Variants in SLC6A7 observed in about 807,000 individuals in gnomAD.
The protein encoded by SLC6A7 is solute carrier family 6 member 7.
SLC6A7 carries 58 observed loss-of-function variants against 73.1 expected under a neutral mutation model. That is an observed-to-expected ratio of 0.79 (90% confidence interval 0.64 to 0.99). The LOEUF (loss-of-function observed/expected upper bound fraction) is 0.99. SLC6A7 is among the 50% of genes least tolerant of loss of function. The pLI is 0.00. For synonymous variants in SLC6A7, 338 were observed against 338.7 expected, an observed-to-expected ratio of 1.00 and a Z score of 0.02; for missense variants, 783 against 831.4, an observed-to-expected ratio of 0.94 and a Z score of 0.72.
rs867319667 is a variant in SLC6A7 at position 150,204,604 on chromosome 5, A to T, written c.1405A>T (p.Thr469Ser). ...CGGGCTGATGGTGGTGGTTATCACCACGTGCCTTGCCGTGACACGGGTGTA... is the reference window on the plus strand; with the variant it reads ...CGGGCTGATGGTGGTGGTTATCACCTCGTGCCTTGCCGTGACACGGGTGTA... ...SFGLMVVVITTCLAVTRVYGI... is the reference protein window; with the variant it reads ...SFGLMVVVITSCLAVTRVYGI... Residue 469 changes from threonine to serine, a missense_variant, in exon 11 of 14, where the codon ACG (threonine) becomes TCG (serine). Thr to Ser is a moderately conservative substitution (Grantham distance 58, BLOSUM62 1). Coordinates refer to ENST00000230671, the MANE Select transcript of SLC6A7 (RefSeq NM_014228.5). The T allele has an allele frequency of 2.5e-6, 4 of 1,613,808 alleles. No homozygotes were observed. In the Middle Eastern group the frequency reaches 6.6e-4, roughly 266 times the overall value.
At chr5:150,199,493 G>A in intron 5 of SLC6A7, 127 bp downstream of exon 5, 1 of 656,936 alleles carries the variant, frequency 1.5e-6, no homozygotes, top group Non-Finnish European at 2.6e-6. Flanking sequence ...AAGGGAGAGA[G>A]CCTTGAGACT....
intron 4 of SLC6A7, among the ~76,000 whole-genome samples, chr5:150,198,389 G>A (rs538516480): frequency 1.3e-5 from 2 of 152,372 alleles, no homozygotes; most frequent in African/African-American, 4.8e-5. Flanking sequence ...TAACCTGCCT[G>A]TAGTACATAG....
chr5:150,204,105 T>G, intron 10 of SLC6A7, 67 bp downstream of exon 10: 9 of 1,497,402 alleles, frequency 6.0e-6, no homozygotes, highest in African/African-American at 1.4e-5. Flanking sequence ...ACGAGATCTC[T>G]GGCCCAGCTG....
Position 150,205,626 on chromosome 5 carries a change from G to A in SLC6A7, c.1701+3G>A, listed in dbSNP as rs1478394341. 3.1e-6 allele frequency: 5 copies of A among 1,603,854 alleles called. No individual in the cohort carries two copies. In the South Asian group the frequency reaches 4.5e-5, roughly 14 times the overall value. ...GAGAAGAGGGCTCACTCTGGGAGGTGAGTCTGCCCACCCTGTCCACTCTCA... is the reference window on the plus strand; with the variant it reads ...GAGAAGAGGGCTCACTCTGGGAGGTAAGTCTGCCCACCCTGTCCACTCTCA... On this transcript the variant is annotated splice_donor_region_variant and intron_variant, in intron 13 of 13. Coordinates refer to ENST00000230671, the MANE Select transcript of SLC6A7 (RefSeq NM_014228.5).
At position 150,209,647 on chromosome 5, in the gene SLC6A7, C is replaced by T. The variant is rs778373658; in HGVS notation, c.*32C>T. 1.9e-5 allele frequency: 28 copies of T among 1,508,592 alleles called. No individual in the cohort carries two copies. The highest frequency in any genetic ancestry group is 7.2e-5 in the East Asian group (3 of 41,488). The allele number at this position is 1,508,592 out of a possible 1,614,324, so 93.5% of individuals were successfully genotyped here. On this transcript the variant is annotated 3_prime_UTR_variant, in exon 14 of 14. Transcript: ENST00000230671. ...AGGCAGGCGGGCAGAAGGCCCTGCC[C>T]GGGACCTCACAGTCCCTTCTTAGAA...
intron 3 of SLC6A7, 73 bp downstream of exon 3, chr5:150,196,920 C>T (rs1753053984): frequency 1.9e-6 from 3 of 1,556,250 alleles, no homozygotes; most frequent in Non-Finnish European, 2.6e-6. Flanking sequence ...CCCCCAGAAC[C>T]CCTGCCAGCT....
chr5:150,193,553 A>T lies in SLC6A7; in HGVS notation c.34-1175A>T, dbSNP rs535862805. On this transcript the variant is annotated intron_variant, in intron 1 of 13. Transcript: ENST00000230671. Reference sequence around the variant, plus strand: ...GGGGAAGTTTTCTGGCTTGTGACTGAAAAGTACCAGTCCTAACCAAGGAGT... The same window carrying T: ...GGGGAAGTTTTCTGGCTTGTGACTGTAAAGTACCAGTCCTAACCAAGGAGT... 3.3e-5 allele frequency among the ~76,000 whole-genome samples: 5 copies of T among 152,140 alleles called. No homozygotes were observed. In the East Asian group the frequency reaches 5.8e-4, roughly 18 times the overall value.
chr5:150,200,976 CCT>C, intron 5 of SLC6A7, 111 bp from the exon 6 acceptor site: 2 of 1,106,392 alleles, frequency 1.8e-6, no homozygotes, highest in Non-Finnish European at 2.7e-6. Context: ...AAGGCCGGTT[CCT>C]GGCTTGGGCT....
intron 13 of SLC6A7, 88 bp downstream of exon 13, chr5:150,205,711 C>A: frequency 1.7e-6 from 2 of 1,170,084 alleles, no homozygotes; most frequent in Non-Finnish European, 2.4e-6. Flanking sequence ...ACATATGCAC[C>A]CACCCCTTAT....
intron 13 of SLC6A7, 42 bp downstream of exon 13, chr5:150,205,665 G>C (rs772590288): frequency 1.3e-6 from 2 of 1,538,662 alleles, no homozygotes; most frequent in Non-Finnish European, 1.8e-6. Context: ...TTCCTGACCT[G>C]TGGCCTGACC....
At chr5:150,204,784 G>A in intron 11 of SLC6A7, 43 bp from the exon 12 acceptor site, 1 of 1,466,512 alleles carries the variant, frequency 6.8e-7, no homozygotes, top group Non-Finnish European at 9.6e-7. Context: ...GGCGTTTGTG[G>A]GGCCGGCGGG....
At chr5:150,206,407 G>A (rs1286611879) in intron 13 of SLC6A7, among the ~76,000 whole-genome samples, 6 of 152,194 alleles carry the variant, frequency 3.9e-5, no homozygotes, top group Non-Finnish European at 7.3e-5. Flanking sequence ...TGTGAGCTAG[G>A]TGTTCAACCA....
chr5:150,191,817 CCTT>C (rs1454583952), intron 1 of SLC6A7, among the ~76,000 whole-genome samples: 1 of 152,050 alleles, frequency 6.6e-6, no homozygotes, highest in Admixed American at 6.6e-5. Context: ...TTTCCACTCT[CCTT>C]CTCTTCCCTC....
chr5:150,190,492 C>T lies in SLC6A7; in HGVS notation c.33+132C>T. The T allele has an allele frequency of 5.2e-6, 3 of 580,204 alleles. No homozygotes were observed. In the South Asian group the frequency reaches 7.6e-5, roughly 15 times the overall value. 35.9% of individuals were successfully genotyped at this position (580,204 alleles called of 1,614,324 possible). ...TTCGGGCTCTGGGGAAGGCCCGACT[C>T]AGCTGGATAACAGGGAGGGTCAGGG... On this transcript the variant is annotated intron_variant, in intron 1 of 13. Transcript: ENST00000230671.
intron 8 of SLC6A7, among the ~76,000 whole-genome samples, chr5:150,203,073 C>CAAA (rs552671431): frequency 8.0e-6 from 1 of 125,314 alleles, no homozygotes. Flanking sequence ...GACTCTGCCT[C>CAAA]AAAAAAAAAA....
At position 150,204,926 on chromosome 5, in the gene SLC6A7, T is replaced by C; in HGVS notation, c.1532T>C (p.Leu511Ser). 1 of 855,608 alleles carries C rather than the reference T, an allele frequency of 1.2e-6. No individual in the cohort carries two copies. The highest frequency in any genetic ancestry group is 1.8e-6 in the Non-Finnish European group (1 of 541,464). The allele number at this position is 855,608 out of a possible 1,614,324, so 53.0% of individuals were successfully genotyped here. A position where few individuals can be genotyped will look rare whatever the true frequency, so the allele number is the denominator to read the frequency against. The change falls in exon 12 of 14, where the codon TTG becomes TCG. Residue 511 changes from leucine to serine, a missense_variant and splice_region_variant. Transcript: ENST00000230671. ...CWLFLSPATL[L>S]ALMVYSIVKY... Reference sequence around the variant, plus strand: ...CTGTTCCTGTCCCCAGCCACGCTCTTGGTAACTGGGGAGGGCGGGAGGGTT... The same window carrying C: ...CTGTTCCTGTCCCCAGCCACGCTCTCGGTAACTGGGGAGGGCGGGAGGGTT...
chr5:150,201,828 T>C (rs1753398321), intron 6 of SLC6A7, among the ~76,000 whole-genome samples: 1 of 152,160 alleles, frequency 6.6e-6, no homozygotes, highest in Non-Finnish European at 1.5e-5. Flanking sequence ...CCCTAGTGTT[T>C]TACATGCATG....
chr5:150,199,704 G>T (rs1753270544), intron 5 of SLC6A7, among the ~76,000 whole-genome samples: 1 of 152,182 alleles, frequency 6.6e-6, no homozygotes, highest in African/African-American at 2.4e-5. Context: ...TCTTTGAGAT[G>T]CAGGTGACCA....
Position 150,194,909 on chromosome 5 carries a change from G to A in SLC6A7, c.215G>A (p.Gly72Glu). The A allele has an allele frequency of 6.2e-7, 1 of 1,613,240 alleles. No individual in the cohort carries two copies. The change falls in exon 2 of 14, where the codon GGA becomes GAA. Residue 72 changes from glycine (G) to glutamate (E), a missense_variant and splice_region_variant. Gly to Glu is a moderately conservative substitution (Grantham distance 98). Transcript: ENST00000230671. ...RFPYRAYTNG[G>E]GAFLVPYFLM... The stretch of plus-strand genomic sequence containing the variant: ...CCCTATCGAGCGTACACCAATGGAG[G>A]AGGTATGGGCCTGAGGTCCTGTCGG...
Sources: allele counts gnomAD v4.1 joint callset (sites outside exome capture counted in the v4.1 genomes callset), GRCh38; gene constraint gnomAD v4.1.1; transcripts MANE v1.5; gene names NCBI Gene and HGNC (gene_info 2026-07-23, HGNC 2026-07-21).